BANP: variants seen among roughly 807,000 people sequenced by gnomAD.
The protein encoded by BANP is protein BANP.
In BANP, 11 loss-of-function variants were observed where a neutral mutation model predicts 68.1. The observed-to-expected ratio is 0.16, with a 90% CI of 0.10 to 0.27. The LOEUF is 0.27. BANP is among the 10% of genes least tolerant of loss of function. The probability of loss-of-function intolerance (pLI) is 1.00; values close to 1 mark genes in which losing one functional copy is unlikely to be tolerated. For missense variants in BANP, 504 were observed against 722.7 expected, an observed-to-expected ratio of 0.70 and a Z score of 3.47; for synonymous variants, 329 against 303.2, an observed-to-expected ratio of 1.09 and a Z score of -0.88.
intron 7 of BANP, among the ~76,000 whole-genome samples, chr16:88,026,529 A>G (rs1015544403): frequency 2.4e-4 from 36 of 152,228 alleles, no homozygotes; most frequent in Non-Finnish European, 4.3e-4. Context: ...GTAACAGTGC[A>G]TACATGAATT....
chr16:87,990,440 T>G (rs986281143), intron 4 of BANP, among the ~76,000 whole-genome samples: 29 of 152,224 alleles, frequency 1.9e-4, no homozygotes, highest in African/African-American at 7.0e-4. Context: ...TGTGGTGTTA[T>G]GTAGAGCTAG....
At chr16:88,035,415 G>A (rs1469421284) in intron 10 of BANP, 21 bp downstream of exon 10, 2 of 1,593,472 alleles carry the variant, frequency 1.3e-6, no homozygotes, top group East Asian at 2.3e-5. Flanking sequence ...TCTCGCTGCA[G>A]CACTGTCCCT....
At chr16:88,009,351 G>A (rs189450197) in intron 6 of BANP, among the ~76,000 whole-genome samples, 1 of 152,246 alleles carries the variant, frequency 6.6e-6, no homozygotes, top group Admixed American at 6.5e-5. Flanking sequence ...GCAGGAGACA[G>A]ATTGTTCTTA....
chr16:88,024,078 C>A (rs1482916594), intron 7 of BANP, among the ~76,000 whole-genome samples: 3 of 152,218 alleles, frequency 2.0e-5, no homozygotes, highest in Non-Finnish European at 4.4e-5. Context: ...GAGACTTCTG[C>A]CTCGATTGAA....
At chr16:88,049,357 G>A (rs1301463609) in intron 11 of BANP, among the ~76,000 whole-genome samples, 3 of 152,148 alleles carry the variant, frequency 2.0e-5, no homozygotes, top group African/African-American at 7.2e-5. Flanking sequence ...GACACATCCC[G>A]GCGAGGTACG....
intron 11 of BANP, among the ~76,000 whole-genome samples, chr16:88,056,809 T>C (rs1192361302): frequency 6.6e-6 from 1 of 152,250 alleles, no homozygotes; most frequent in East Asian, 1.9e-4. Context: ...GTAGTATACT[T>C]AGCAACACTG....
At chr16:87,968,155 G>T (rs2060431550) in intron 1 of BANP, among the ~76,000 whole-genome samples, 1 of 152,054 alleles carries the variant, frequency 6.6e-6, no homozygotes, top group South Asian at 2.1e-4. Flanking sequence ...AAGGTTGGCT[G>T]GGTGGCTTTT....
chr16:87,962,395 A>G (rs1465947267), intron 1 of BANP, among the ~76,000 whole-genome samples: 1 of 152,178 alleles, frequency 6.6e-6, no homozygotes, highest in Non-Finnish European at 1.5e-5. Context: ...AAATATTCAA[A>G]CATTTTTTGT....
At chr16:88,038,662 G>A (rs571223305) in intron 11 of BANP, among the ~76,000 whole-genome samples, 4 of 152,160 alleles carry the variant, frequency 2.6e-5, no homozygotes, top group East Asian at 3.9e-4. Context: ...ACCCCAGTAC[G>A]AATGGTCTCT....
intron 11 of BANP, among the ~76,000 whole-genome samples, chr16:88,053,672 C>T (rs2084005836): frequency 6.7e-6 from 1 of 148,944 alleles, no homozygotes; most frequent in Non-Finnish European, 1.5e-5. Context: ...TTCACCACCA[C>T]CACCACCACC....
chr16:87,993,516 A>T (rs2066412339), intron 4 of BANP, among the ~76,000 whole-genome samples: 1 of 151,968 alleles, frequency 6.6e-6, no homozygotes, highest in Admixed American at 6.6e-5. Flanking sequence ...GGCCATTGGC[A>T]GCTCGTCAGT....
At chr16:88,059,263 C>T (rs1295620676) in intron 11 of BANP, among the ~76,000 whole-genome samples, 2 of 115,780 alleles carry the variant, frequency 1.7e-5, no homozygotes, top group East Asian at 5.0e-4. Context: ...GTGGGGCGGG[C>T]GGAGGTGTGT....
Position 88,076,671 on chromosome 16 carries a change from A to C in BANP, c.*10A>C. 1 of 1,604,304 alleles carries C rather than the reference A, an allele frequency of 6.2e-7. No individual in the cohort carries two copies. On this transcript the variant is annotated 3_prime_UTR_variant, in exon 14 of 14. Coordinates refer to ENST00000682872, the MANE Select transcript of BANP (RefSeq NM_001386991.1). The stretch of plus-strand genomic sequence containing the variant: ...CATCCAGATTCAGTGAGCGGTGCCC[A>C]TGGCACCAGGAGCCCCTCGCCGGCT...
intron 7 of BANP, among the ~76,000 whole-genome samples, chr16:88,026,710 G>A (rs2077067763): frequency 6.6e-6 from 1 of 151,806 alleles, no homozygotes; most frequent in Non-Finnish European, 1.5e-5. Flanking sequence ...GTGTTTATGA[G>A]GGGGACAGAG....
intron 13 of BANP, among the ~76,000 whole-genome samples, chr16:88,072,745 G>C (rs4075181): frequency 6.6e-6 from 1 of 152,182 alleles, no homozygotes; most frequent in Non-Finnish European, 1.5e-5. Context: ...AATCTCCAGC[G>C]TGGCCGAGGC....
At chr16:88,056,188 A>G (rs1329875522) in intron 11 of BANP, among the ~76,000 whole-genome samples, 1 of 152,226 alleles carries the variant, frequency 6.6e-6, no homozygotes. Context: ...CGCATGCAGC[A>G]GAGTGTTCTG....
chr16:87,953,124 A>G (rs1010793837), intron 1 of BANP, among the ~76,000 whole-genome samples: 2 of 152,174 alleles, frequency 1.3e-5, no homozygotes, highest in African/African-American at 4.8e-5. Flanking sequence ...AGGCCCGCAG[A>G]CACTAAGGGA....
At chr16:88,045,215 G>A (rs980233993) in intron 11 of BANP, among the ~76,000 whole-genome samples, 2 of 152,214 alleles carry the variant, frequency 1.3e-5, no homozygotes, top group African/African-American at 4.8e-5. Context: ...TTGGGCATTA[G>A]AATGAAGTTT....
intron 11 of BANP, among the ~76,000 whole-genome samples, chr16:88,062,572 C>G (rs1280465065): frequency 6.6e-6 from 1 of 152,194 alleles, no homozygotes; most frequent in East Asian, 1.9e-4. Flanking sequence ...AACCACTGTC[C>G]CCAACCAAGC....
Sources: gnomAD v4.1 joint callset for allele counts (sites outside exome capture counted in the v4.1 genomes callset) on GRCh38, gnomAD v4.1.1 for gene constraint, MANE v1.5 for transcripts, NCBI Gene and HGNC (gene_info 2026-07-23, HGNC 2026-07-21) for gene names.